Variants in MAP3K5 observed in about 807,000 individuals in gnomAD.
MAP3K5 encodes the protein mitogen-activated protein kinase kinase kinase 5.
Under a neutral mutation model 158.7 loss-of-function variants are expected in MAP3K5, and 56 were observed. The ratio of observed to expected loss-of-function variants is 0.35; its 90% CI spans 0.28 to 0.44. The LOEUF is 0.44. Ranked by LOEUF, MAP3K5 falls within the 20% of genes least tolerant of loss-of-function variation. The pLI, the probability that MAP3K5 is intolerant of heterozygous loss-of-function variation, is 1.00. For synonymous variants in MAP3K5, 579 were observed against 601.7 expected (o/e 0.96, Z 0.55); for missense variants, 1,294 against 1,674.8 (o/e 0.77, Z 3.97).
intron 7 of MAP3K5, among the ~76,000 whole-genome samples, chr6:136,684,239 G>C (rs989071486): frequency 6.6e-6 from 1 of 151,570 alleles, no homozygotes; most frequent in Non-Finnish European, 1.5e-5. Context: ...AAAAAAAAAA[G>C]GAAGAAAAAT....
intron 1 of MAP3K5, among the ~76,000 whole-genome samples, chr6:136,784,899 T>C (rs1461176896): frequency 6.6e-6 from 1 of 152,180 alleles, no homozygotes; most frequent in Non-Finnish European, 1.5e-5. Flanking sequence ...TGTCTCTCTG[T>C]CTCTCTTTCT....
intron 25 of MAP3K5, among the ~76,000 whole-genome samples, chr6:136,575,086 C>T (rs893595632): frequency 4.6e-5 from 7 of 151,980 alleles, no homozygotes; most frequent in African/African-American, 1.7e-4. Flanking sequence ...CCTTCAGCCA[C>T]TTGCTCTTGC....
chr6:136,743,367 A>G (rs2876347), intron 1 of MAP3K5, among the ~76,000 whole-genome samples: 77,894 of 151,652 alleles, frequency 0.51, 20,473 homozygotes, highest in African/African-American at 0.63. Context: ...GGAGAATGGC[A>G]TGAACCCGGG....
chr6:136,765,173 T>C (rs77567706), intron 1 of MAP3K5, among the ~76,000 whole-genome samples: 3,890 of 152,368 alleles, frequency 0.026, 183 homozygotes, highest in African/African-American at 0.088. Context: ...GATAAGATGA[T>C]GGGTTATACA....
At chr6:136,637,255 G>T in intron 14 of MAP3K5, 70 bp downstream of exon 14, 1 of 1,345,436 alleles carries the variant, frequency 7.4e-7, no homozygotes, top group Non-Finnish European at 1.1e-6. Context: ...CCTGCCTCCT[G>T]CCTCAGTAAG....
At chr6:136,755,140 GA>G (rs200497526) in intron 1 of MAP3K5, among the ~76,000 whole-genome samples, 3 of 150,232 alleles carry the variant, frequency 2.0e-5, no homozygotes, top group East Asian at 1.9e-4. Flanking sequence ...TCTCTTACAT[GA>G]AAAAAAAACC....
At chr6:136,756,687 G>C (rs1783505133) in intron 1 of MAP3K5, among the ~76,000 whole-genome samples, 1 of 152,170 alleles carries the variant, frequency 6.6e-6, no homozygotes, top group Non-Finnish European at 1.5e-5. Context: ...TAAGCCTGAA[G>C]GTCATACTAT....
At chr6:136,683,640 A>AT (rs1198648788) in intron 7 of MAP3K5, among the ~76,000 whole-genome samples, 1 of 152,094 alleles carries the variant, frequency 6.6e-6, no homozygotes, top group African/African-American at 2.4e-5. Context: ...GCAAGTGTTA[A>AT]TTTTTTTTAA....
chr6:136,706,926 T>C (rs542951975), intron 2 of MAP3K5, among the ~76,000 whole-genome samples: 1 of 152,284 alleles, frequency 6.6e-6, no homozygotes, highest in South Asian at 2.1e-4. Flanking sequence ...GGCCGGAAGA[T>C]CACTTGAGAC....
At chr6:136,779,995 G>C (rs1784552165) in intron 1 of MAP3K5, among the ~76,000 whole-genome samples, 1 of 152,212 alleles carries the variant, frequency 6.6e-6, no homozygotes, top group South Asian at 2.1e-4. Context: ...AAAAGCACTT[G>C]GAGAGACAGG....
chr6:136,682,145 G>A (rs1026976568), intron 7 of MAP3K5, among the ~76,000 whole-genome samples: 1 of 152,134 alleles, frequency 6.6e-6, no homozygotes, highest in Non-Finnish European at 1.5e-5. Flanking sequence ...CATCTATCTG[G>A]TCACCAATGA....
Position 136,601,031 on chromosome 6 carries a change from C to T in MAP3K5, c.2869G>A (p.Gly957Arg), listed in dbSNP as rs1186212659. The change falls in exon 21 of 30, where the codon GGA becomes AGA. Residue 957 changes from glycine to arginine, a missense_variant. By Grantham distance (125) the Gly-to-Arg change is moderately radical. Transcript: ENST00000359015. ...TQPKLSALSA[G>R]SNEYLRSISL... ...GTAAAAACAAACTCACCATTTGATC[C>T]AGCTGAAAGAGCTGTGGAAAGAAAA... 6.2e-7 allele frequency: 1 copy of T among 1,613,822 alleles called. No homozygotes were observed. Among genetic ancestry groups the T allele is most frequent in the Non-Finnish European group, 8.5e-7 (1 of 1,179,946 alleles).
intron 1 of MAP3K5, among the ~76,000 whole-genome samples, chr6:136,768,414 TA>T (rs1236193660): frequency 6.6e-6 from 1 of 152,198 alleles, no homozygotes; most frequent in African/African-American, 2.4e-5. Context: ...TCTCCAAAGA[TA>T]TACAAATGGC....
At chr6:136,735,816 A>G (rs1782434049) in intron 1 of MAP3K5, among the ~76,000 whole-genome samples, 2 of 152,154 alleles carry the variant, frequency 1.3e-5, no homozygotes, top group Admixed American at 1.3e-4. Flanking sequence ...GTGACAGAGC[A>G]CGAACCTATC....
chr6:136,614,566 T>A (rs572953509), intron 15 of MAP3K5, among the ~76,000 whole-genome samples: 2 of 152,172 alleles, frequency 1.3e-5, no homozygotes, highest in African/African-American at 4.8e-5. Flanking sequence ...GGAAACTGAT[T>A]CACAGAGAGG....
intron 10 of MAP3K5, among the ~76,000 whole-genome samples, chr6:136,652,196 C>T (rs1405869119): frequency 2.6e-5 from 4 of 152,068 alleles, no homozygotes; most frequent in Non-Finnish European, 5.9e-5. Flanking sequence ...AGAATCTGGG[C>T]ATATTTGTTT....
intron 18 of MAP3K5, among the ~76,000 whole-genome samples, chr6:136,610,271 C>A (rs1245307385): frequency 6.6e-6 from 1 of 151,972 alleles, no homozygotes; most frequent in African/African-American, 2.4e-5. Context: ...AACTGTTGGG[C>A]AGTCATGAAT....
intron 25 of MAP3K5, among the ~76,000 whole-genome samples, chr6:136,571,681 C>T (rs1428593399): frequency 2.0e-5 from 3 of 152,192 alleles, no homozygotes; most frequent in Non-Finnish European, 4.4e-5. Flanking sequence ...GCTTCCACCT[C>T]TTGGCAATTG....
intron 7 of MAP3K5, among the ~76,000 whole-genome samples, chr6:136,692,756 C>T (rs764137205): frequency 1.6e-4 from 25 of 151,854 alleles, no homozygotes; most frequent in South Asian, 6.2e-4. Context: ...AAATCTTTGC[C>T]CCAGTCAGGG....
Sources: allele counts gnomAD v4.1 joint callset (sites outside exome capture counted in the v4.1 genomes callset), GRCh38; gene constraint gnomAD v4.1.1; transcripts MANE v1.5; gene names NCBI Gene and HGNC (gene_info 2026-07-23, HGNC 2026-07-21).